The following PDE4D variants were observed in gnomAD, a reference collection of about 807,000 sequenced individuals.
The protein encoded by PDE4D is 3',5'-cyclic-AMP phosphodiesterase 4D.
A neutral mutation model predicts 87.4 loss-of-function variants in PDE4D; 24 were observed. The observed-to-expected ratio is 0.27, with a 90% CI of 0.20 to 0.39. The LOEUF (loss-of-function observed/expected upper bound fraction) is 0.39, where lower values mean the gene tolerates loss of function less well. Among genes scored for constraint, PDE4D ranks in the 10% least tolerant of loss-of-function variants. The pLI, the probability that PDE4D is intolerant of heterozygous loss-of-function variation, is 1.00. For synonymous variants in PDE4D, 384 were observed against 383.2 expected, an observed-to-expected ratio of 1.00 and a Z score of -0.02; for missense variants, 714 against 1,041.0, an observed-to-expected ratio of 0.69 and a Z score of 4.32.
intron 1 of PDE4D, among the ~76,000 whole-genome samples, chr5:59,740,165 C>A (rs1167882027): frequency 1.3e-5 from 2 of 152,090 alleles, no homozygotes; most frequent in Admixed American, 1.3e-4. Context: ...TCATTTAGTA[C>A]CTTAATGTCT....
chr5:59,238,571 A>T (rs1478194184), intron 1 of PDE4D, among the ~76,000 whole-genome samples: 2 of 152,224 alleles, frequency 1.3e-5, no homozygotes, highest in Non-Finnish European at 2.9e-5. Context: ...GTCATTTGAA[A>T]TAACAAAAAC....
chr5:60,410,038 T>C (rs1403213770), intron 1 of PDE4D, among the ~76,000 whole-genome samples: 1 of 152,152 alleles, frequency 6.6e-6, no homozygotes, highest in African/African-American at 2.4e-5. Flanking sequence ...CAAGGACATT[T>C]GGAGGGAGTT....
chr5:59,301,396 T>G (rs1770223856), intron 1 of PDE4D, among the ~76,000 whole-genome samples: 1 of 152,206 alleles, frequency 6.6e-6, no homozygotes, highest in Non-Finnish European at 1.5e-5. Flanking sequence ...TAGTCAACAC[T>G]ATTTAAAAGC....
chr5:60,493,204 T>A (rs1371607085), intron 1 of PDE4D, among the ~76,000 whole-genome samples: 1 of 152,116 alleles, frequency 6.6e-6, no homozygotes, highest in Non-Finnish European at 1.5e-5. Context: ...CATATGATAG[T>A]TGGTACAAAG....
chr5:60,321,618 A>G (rs1250849737), intron 1 of PDE4D, among the ~76,000 whole-genome samples: 1 of 152,228 alleles, frequency 6.6e-6, no homozygotes, highest in African/African-American at 2.4e-5. Context: ...CAACCTGCAG[A>G]ATGGGAGAAA....
chr5:60,065,625 C>A (rs1035212630), intron 2 of PDE4D, among the ~76,000 whole-genome samples: 8 of 152,100 alleles, frequency 5.3e-5, no homozygotes, highest in Admixed American at 5.2e-4. Context: ...GTGTGATGTT[C>A]CCCTTCCTGT....
intron 3 of PDE4D, among the ~76,000 whole-genome samples, chr5:59,964,669 C>T (rs893100082): frequency 1.3e-5 from 2 of 152,134 alleles, no homozygotes; most frequent in Non-Finnish European, 2.9e-5. Context: ...ACCATGATGC[C>T]TTCATTTCCC....
intron 1 of PDE4D, among the ~76,000 whole-genome samples, chr5:59,723,450 C>T (rs868688186): frequency 5.9e-5 from 9 of 152,056 alleles, no homozygotes; most frequent in African/African-American, 1.9e-4. Flanking sequence ...TCAAGAAATA[C>T]GGACTATTGT....
At chr5:59,538,639 T>G (rs1815722646) in intron 1 of PDE4D, among the ~76,000 whole-genome samples, 1 of 152,180 alleles carries the variant, frequency 6.6e-6, no homozygotes, top group South Asian at 2.1e-4. Flanking sequence ...TGGTCTCCTT[T>G]CCTTCAGCAC....
intron 5 of PDE4D, among the ~76,000 whole-genome samples, chr5:59,162,063 C>T (rs1481337091): frequency 6.6e-6 from 1 of 152,174 alleles, no homozygotes; most frequent in African/African-American, 2.4e-5. Context: ...GGTGTGAATG[C>T]CCCAAATAAC....
intron 1 of PDE4D, among the ~76,000 whole-genome samples, chr5:59,710,151 A>G (rs1484351369): frequency 6.6e-6 from 1 of 152,180 alleles, no homozygotes. Flanking sequence ...TGCCCAGGGA[A>G]GTCGGAAGAA....
chr5:59,719,531 A>G (rs72751233), intron 1 of PDE4D, among the ~76,000 whole-genome samples: 28,445 of 152,130 alleles, frequency 0.19, 3,208 homozygotes, highest in South Asian at 0.26. Context: ...AGGTCTCAAA[A>G]TCATTGAATA....
At chr5:60,393,657 C>A (rs1286555536) in intron 1 of PDE4D, among the ~76,000 whole-genome samples, 1 of 152,178 alleles carries the variant, frequency 6.6e-6, no homozygotes, top group Non-Finnish European at 1.5e-5. Context: ...CCACAATAAT[C>A]ATTTTGCCAC....
At chr5:60,158,179 T>C (rs1782155788) in intron 2 of PDE4D, among the ~76,000 whole-genome samples, 2 of 152,204 alleles carry the variant, frequency 1.3e-5, no homozygotes, top group African/African-American at 4.8e-5. Flanking sequence ...AGTGATTACG[T>C]TGTTGTGTCA....
At chr5:60,027,126 A>T (rs1007260359) in intron 2 of PDE4D, among the ~76,000 whole-genome samples, 6 of 151,896 alleles carry the variant, frequency 4.0e-5, no homozygotes, top group African/African-American at 1.5e-4. Context: ...TGTTACATGG[A>T]TATGTTGCAT....
At chr5:60,024,883 G>A (rs533769965) in intron 2 of PDE4D, among the ~76,000 whole-genome samples, 8 of 130,458 alleles carry the variant, frequency 6.1e-5, no homozygotes, top group Non-Finnish European at 1.3e-4. Flanking sequence ...TGCTTCAAAC[G>A]CACAAACAAG....
At chr5:59,988,701 A>T (rs1293427579) in exon 3 of PDE4D, 2 of 1,593,988 alleles carry the variant, frequency 1.3e-6, no homozygotes, top group Admixed American at 1.7e-5. Context: ...ACTGGAATGT[A>T]GTGTTTCCTC....
intron 1 of PDE4D, among the ~76,000 whole-genome samples, chr5:59,274,265 T>C (rs1322148575): frequency 6.6e-6 from 1 of 152,160 alleles, no homozygotes. Context: ...AATCTTCATC[T>C]ATAATTTATT....
chr5:59,436,390 C>G (rs1796805849), intron 1 of PDE4D, among the ~76,000 whole-genome samples: 1 of 152,120 alleles, frequency 6.6e-6, no homozygotes, highest in Non-Finnish European at 1.5e-5. Flanking sequence ...TGAAAAACTT[C>G]CTTGGTATTT....
Sources: allele counts gnomAD v4.1 joint callset (sites outside exome capture counted in the v4.1 genomes callset), GRCh38; gene constraint gnomAD v4.1.1; transcripts MANE v1.5; gene names NCBI Gene and HGNC (gene_info 2026-07-23, HGNC 2026-07-21).